SNRNP200: variants seen among roughly 807,000 people sequenced by gnomAD.
The protein encoded by SNRNP200 is small nuclear ribonucleoprotein U5 subunit 200.
In SNRNP200, 66 loss-of-function variants were observed where a neutral mutation model predicts 255.2. The ratio of observed to expected loss-of-function variants is 0.26; its 90% CI spans 0.21 to 0.32. The LOEUF (loss-of-function observed/expected upper bound fraction) is 0.32, where lower values mean the gene tolerates loss of function less well. Among genes scored for constraint, SNRNP200 ranks in the 10% least tolerant of loss-of-function variants. The probability of loss-of-function intolerance (pLI) is 1.00; values close to 1 mark genes in which losing one functional copy is unlikely to be tolerated. For synonymous variants in SNRNP200, 939 were observed against 1,027.8 expected, an observed-to-expected ratio of 0.91 and a Z score of 1.65; for missense variants, 1,585 against 2,749.8, an observed-to-expected ratio of 0.58 and a Z score of 9.47.
intron 2 of SNRNP200, among the ~76,000 whole-genome samples, chr2:96,303,784 GGAGGCTGA>G (rs2063969501): frequency 6.6e-6 from 1 of 151,908 alleles, no homozygotes; most frequent in South Asian, 2.1e-4. Flanking sequence ...CAGCTACTCA[GGAGGCTGA>G]GGCAGGAGAA....
At position 96,285,297 on chromosome 2, in the gene SNRNP200, C is replaced by T. The variant is rs1307393246; in HGVS notation, c.4047G>A (p.Gly1349=). The T allele has an allele frequency of 6.2e-7, 1 of 1,614,010 alleles. No homozygotes were observed. Among genetic ancestry groups the T allele is most frequent in the Non-Finnish European group, 8.5e-7 (1 of 1,180,026 alleles). ...VYNSDDNVFV[G]APTGSGKTIC... ...TAGTCTTCCCGCTGCCCGTGGGGGCCCCCACAAACACGTTGTCGTCACTGT... is the reference window on the plus strand; with the variant it reads ...TAGTCTTCCCGCTGCCCGTGGGGGCTCCCACAAACACGTTGTCGTCACTGT... The change falls in exon 30 of 45, where the codon GGG becomes GGA. Residue 1349 remains glycine, a synonymous_variant. Coordinates refer to ENST00000323853, the MANE Select transcript of SNRNP200 (RefSeq NM_014014.5).
Position 96,291,384 on chromosome 2 carries a change from C to G in SNRNP200, c.2421+8G>C. ...ACCTGCTCCTCCAAACGCTTTGCAC[C>G]CCCTCACCTGAATATGTTTATCAGC... On this transcript the variant is annotated splice_region_variant and intron_variant, in intron 18 of 44. Transcript: ENST00000323853. The surrounding 1 kb of genome is among the most constrained non-coding windows in gnomAD (Gnocchi z 4.2). The G allele has an allele frequency of 6.6e-7, 1 of 1,512,844 alleles. No homozygotes were observed. Among genetic ancestry groups the G allele is most frequent in the African/African-American group, 1.4e-5 (1 of 73,104 alleles). The allele number at this position is 1,512,844 out of a possible 1,614,324, so 93.7% of individuals were successfully genotyped here. A position where few individuals can be genotyped will look rare whatever the true frequency, so the allele number is the denominator to read the frequency against.
At position 96,275,346 on chromosome 2, in the gene SNRNP200, G is replaced by T; in HGVS notation, c.6178C>A (p.Arg2060Ser). The change falls in exon 44 of 45, where the codon CGT becomes AGT. Residue 2060 changes from arginine (R) to serine (S), a missense_variant. By Grantham distance (110) the Arg-to-Ser change is moderately radical (BLOSUM62 -1). Coordinates refer to ENST00000323853, the MANE Select transcript of SNRNP200 (RefSeq NM_014014.5). ...ATCACCACCCACCAGCCCTCTTCAC[G>T]TTTCTGCAGTGATCCAAAACCAAGA... ...PVIAPLFPQK[R>S]EEGWWVVIGD... is the part of the protein sequence containing the mutation. 1 of 1,612,882 alleles carries T rather than the reference G, an allele frequency of 6.2e-7. No homozygotes were observed.
chr2:96,305,057 T>C (rs2063978688), intron 1 of SNRNP200, among the ~76,000 whole-genome samples, 189 bp from the exon 2 acceptor site: 1 of 152,224 alleles, frequency 6.6e-6, no homozygotes, highest in South Asian at 2.1e-4. Flanking sequence ...GAATAAGTCT[T>C]ATGCGCTGTC....
intron 8 of SNRNP200, 51 bp downstream of exon 8, chr2:96,298,552 A>T (rs748742736): frequency 6.2e-7 from 1 of 1,602,452 alleles, no homozygotes; most frequent in South Asian, 1.1e-5. Context: ...TCTATGTCAC[A>T]CATGCACACA....
Position 96,286,999 on chromosome 2 carries a change from G to C in SNRNP200, c.3639+7C>G. ...CAATCCAGCACCTCTGCCCAGCAAAGCCTCACCTTTTCATCCCACTGGAAG... is the reference window on the plus strand; with the variant it reads ...CAATCCAGCACCTCTGCCCAGCAAACCCTCACCTTTTCATCCCACTGGAAG... On this transcript the variant is annotated splice_region_variant and intron_variant, in intron 27 of 44. Transcript: ENST00000323853. The surrounding 1 kb of genome is among the most constrained non-coding windows in gnomAD (Gnocchi z 4.8). 2 of 1,614,178 alleles carry C rather than the reference G, an allele frequency of 1.2e-6. No homozygotes were observed. The highest frequency in any genetic ancestry group is 2.2e-5 in the South Asian group (2 of 91,088).
chr2:96,278,757 C>G lies in SNRNP200; in HGVS notation c.5324-46G>C. 1 of 1,614,194 alleles carries G rather than the reference C, an allele frequency of 6.2e-7. No homozygotes were observed. Among genetic ancestry groups the G allele is most frequent in the Non-Finnish European group, 8.5e-7 (1 of 1,180,040 alleles). ...TGGGGAGCCTCAAGAAGATGCCCAGCAAAGACTGTGAGAACCACCAAAGGA... is the reference window on the plus strand; with the variant it reads ...TGGGGAGCCTCAAGAAGATGCCCAGGAAAGACTGTGAGAACCACCAAAGGA... On this transcript the variant is annotated intron_variant, in intron 37 of 44. Transcript: ENST00000323853. The surrounding 1 kb of genome is among the most constrained non-coding windows in gnomAD (Gnocchi z 6.9).
In SNRNP200 at chr2:96,287,120, G is replaced by A; in HGVS notation, c.3525C>T (p.His1175=). The change falls in exon 27 of 45, where the codon CAC becomes CAT. Residue 1175 remains histidine (H), a synonymous_variant. Coordinates refer to ENST00000323853, the MANE Select transcript of SNRNP200 (RefSeq NM_014014.5). This position sits in a 1 kb window ranked among gnomAD's most constrained non-coding sequence, Gnocchi z 5.7. ...ACTTGGGAAACAGATGGACATATTT[G>A]TGGATGGTCTTCCCCATCTTTGGCA... ...IRMPKMGKTI[H]KYVHLFPKLE... 1 of 1,614,172 alleles carries A rather than the reference G, an allele frequency of 6.2e-7. No individual in the cohort carries two copies. Among genetic ancestry groups the A allele is most frequent in the Non-Finnish European group, 8.5e-7 (1 of 1,180,020 alleles).
chr2:96,284,144 T>C, intron 31 of SNRNP200, 140 bp from the exon 32 acceptor site: 2 of 934,922 alleles, frequency 2.1e-6, no homozygotes, highest in Non-Finnish European at 1.7e-6. Context: ...TGTTTGGTTC[T>C]ACCTCCTCCA....
intron 21 of SNRNP200, 86 bp downstream of exon 21, chr2:96,289,713 C>G (rs1209922770): frequency 1.4e-5 from 16 of 1,182,220 alleles, no homozygotes; most frequent in Non-Finnish European, 1.9e-5. Flanking sequence ...AGGCAGTACT[C>G]ACATCAAGAG....
At position 96,281,917 on chromosome 2, in the gene SNRNP200, T is replaced by C; in HGVS notation, c.4921A>G (p.Ile1641Val). The change falls in exon 35 of 45, where the codon ATC becomes GTC. Residue 1641 changes from isoleucine to valine, a missense_variant. By Grantham distance (29) the Ile-to-Val change is conservative. Coordinates refer to ENST00000323853, the MANE Select transcript of SNRNP200 (RefSeq NM_014014.5). ...LVEQLFSSGA[I>V]QVVVASRSLC... ...CTCCGAGAAGCCACCACCACCTGGA[T>C]AGCCCCTGAGCAGTAGAGGGGAGAG... is the stretch of plus-strand genomic sequence containing the variant. The C allele has an allele frequency of 6.2e-7, 1 of 1,613,878 alleles. No homozygotes were observed. The highest frequency in any genetic ancestry group is 8.5e-7 in the Non-Finnish European group (1 of 1,179,856).
Position 96,279,513 on chromosome 2 carries a change from C to T in SNRNP200, c.5071G>A (p.Ala1691Thr). The stretch of plus-strand genomic sequence containing the variant: ...TCATCGTCCTGCAAAGGGCGGTTGG[C>T]GTGGCCCACCATCTGAAGCACGTCA... ...IYDVLQMVGHANRPLQDDEGR... is the reference protein window; with the variant it reads ...IYDVLQMVGHTNRPLQDDEGR... Residue 1691 changes from alanine to threonine, a missense_variant, in exon 36 of 45, where the codon GCC becomes ACC. Around this residue, in one of 9 missense-constraint regions of SNRNP200, gnomAD observed 719 missense variants for 1,091.1 expected, o/e 0.66. Transcript: ENST00000323853. 6 of 1,614,088 alleles carry T rather than the reference C, an allele frequency of 3.7e-6. No homozygotes were observed. The highest frequency in any genetic ancestry group is 5.1e-6 in the Non-Finnish European group (6 of 1,179,966).
chr2:96,291,076 A>G lies in SNRNP200; in HGVS notation c.2422-261T>C, dbSNP rs1267290324. Among the ~76,000 whole-genome samples, 1 of 152,156 alleles carries G rather than the reference A, an allele frequency of 6.6e-6. No individual in the cohort carries two copies. The highest frequency in any genetic ancestry group is 1.5e-5 in the Non-Finnish European group (1 of 68,012). On this transcript the variant is annotated intron_variant, in intron 18 of 44. Coordinates refer to ENST00000323853, the MANE Select transcript of SNRNP200 (RefSeq NM_014014.5). The surrounding 1 kb of genome is among the most constrained non-coding windows in gnomAD (Gnocchi z 4.2). ...TAAACAACCTTAAAGTTACTAGAAAAGGTAAAACAGAGCCTATCCGGAAAG... is the reference window on the plus strand; with the variant it reads ...TAAACAACCTTAAAGTTACTAGAAAGGGTAAAACAGAGCCTATCCGGAAAG...
At chr2:96,293,271 C>A in intron 15 of SNRNP200, 45 bp downstream of exon 15, 1 of 1,594,254 alleles carries the variant, frequency 6.3e-7, no homozygotes, top group East Asian at 2.2e-5. Context: ...GGAAAGAGAG[C>A]AGGATGGTCA....
intron 22 of SNRNP200, 54 bp from the exon 23 acceptor site, chr2:96,289,171 C>G: frequency 6.2e-7 from 1 of 1,613,794 alleles, no homozygotes; most frequent in Admixed American, 1.7e-5. Context: ...GGAGGGACAC[C>G]ATTCAGTGAC....
chr2:96,304,652 A>G, intron 2 of SNRNP200, 53 bp downstream of exon 2: 1 of 1,610,510 alleles, frequency 6.2e-7, no homozygotes, highest in Non-Finnish European at 8.5e-7. Flanking sequence ...TCGAATGTTA[A>G]AGGGAAGAGA....
intron 30 of SNRNP200, 94 bp from the exon 31 acceptor site, chr2:96,284,679 T>C: frequency 2.4e-6 from 2 of 842,034 alleles, no homozygotes; most frequent in Non-Finnish European, 4.1e-6. Context: ...ACAGACCTGT[T>C]GACCTGCAGA....
At chr2:96,298,192 C>T (rs2063930669) in intron 9 of SNRNP200, 92 bp downstream of exon 9, 1 of 1,573,496 alleles carries the variant, frequency 6.4e-7, no homozygotes, top group South Asian at 1.1e-5. Context: ...ACTTTTTCAA[C>T]TTCCACTTTT....
chr2:96,298,206 A>G (rs1167734767), intron 9 of SNRNP200, 78 bp downstream of exon 9: 9 of 1,598,730 alleles, frequency 5.6e-6, no homozygotes, highest in Non-Finnish European at 6.9e-6. Flanking sequence ...CACTTTTAAC[A>G]TGAATTTAGC....
Sources: allele counts gnomAD v4.1 joint callset (sites outside exome capture counted in the v4.1 genomes callset), GRCh38; gene constraint gnomAD v4.1.1; regional missense constraint gnomAD v4.1.1; non-coding constraint Gnocchi (gnomAD v3.1); transcripts MANE v1.5; gene names NCBI Gene and HGNC (gene_info 2026-07-23, HGNC 2026-07-21).